Variants in CATSPERB observed in about 807,000 individuals in gnomAD.
The protein encoded by CATSPERB is catsper channel auxiliary subunit beta, also known as cation channel sperm-associated auxiliary subunit beta.
A neutral mutation model predicts 128.3 loss-of-function variants in CATSPERB; 93 were observed. That is an observed-to-expected ratio of 0.72 (90% CI 0.61 to 0.86). The LOEUF (loss-of-function observed/expected upper bound fraction) is 0.86. CATSPERB is among the 40% of genes least tolerant of loss of function. The pLI is 0.00. For missense variants in CATSPERB, 1,153 were observed against 1,329.5 expected (o/e 0.87, Z 2.06); for synonymous variants, 381 against 448.8 (o/e 0.85, Z 1.91).
intron 23 of CATSPERB, 38 bp downstream of exon 23, chr14:91,591,854 A>G: frequency 7.3e-7 from 1 of 1,360,650 alleles, no homozygotes; most frequent in Non-Finnish European, 1.1e-6. Context: ...TGTTAATAAG[A>G]AAGTATCCTG....
intron 7 of CATSPERB, among the ~76,000 whole-genome samples, chr14:91,695,130 T>A (rs945659601): frequency 1.3e-4 from 6 of 44,802 alleles, no homozygotes; most frequent in African/African-American, 4.5e-4. Context: ...ATGGTGGGAA[T>A]TTTTTTTTTT....
At chr14:91,720,312 A>G (rs1295162410) in intron 4 of CATSPERB, among the ~76,000 whole-genome samples, 1 of 151,736 alleles carries the variant, frequency 6.6e-6, no homozygotes, top group Non-Finnish European at 1.5e-5. Context: ...GAAATTTTAT[A>G]TTTGACAAAA....
chr14:91,592,216 A>G, intron 22 of CATSPERB: 1 of 545,234 alleles, frequency 1.8e-6, no homozygotes, highest in Non-Finnish European at 3.2e-6. Flanking sequence ...CCCAAGTATT[A>G]CTCAGCCGCT....
intron 5 of CATSPERB, among the ~76,000 whole-genome samples, chr14:91,714,391 GAATATATT>G (rs1004704158): frequency 1.1e-4 from 16 of 150,638 alleles, no homozygotes; most frequent in African/African-American, 3.9e-4. Context: ...AAATCCTAAA[GAATATATT>G]AAAAGCTATT....
At chr14:91,725,261 G>A in intron 2 of CATSPERB, 93 bp from the exon 3 acceptor site, 1 of 514,350 alleles carries the variant, frequency 1.9e-6, no homozygotes, top group South Asian at 5.1e-5. Flanking sequence ...ATATTTTTAA[G>A]GAATAAGAAT....
chr14:91,704,992 A>T (rs1327886473), intron 6 of CATSPERB, among the ~76,000 whole-genome samples: 2 of 152,214 alleles, frequency 1.3e-5, no homozygotes, highest in East Asian at 3.8e-4. Flanking sequence ...TTGCCACAGG[A>T]TCTATCCCTA....
At chr14:91,724,249 C>A (rs941066921) in intron 3 of CATSPERB, among the ~76,000 whole-genome samples, 1 of 152,050 alleles carries the variant, frequency 6.6e-6, no homozygotes, top group Non-Finnish European at 1.5e-5. Context: ...GTAACCTGCC[C>A]CAGGACACAC....
chr14:91,727,921 A>G (rs1248826501), intron 2 of CATSPERB, among the ~76,000 whole-genome samples: 1 of 152,188 alleles, frequency 6.6e-6, no homozygotes, highest in African/African-American at 2.4e-5. Flanking sequence ...ACAGTGGGCC[A>G]GACTGGAACC....
chr14:91,654,960 T>TCCTGGTAATACAGTCTCTTCCTGTAATA (rs71120184), intron 15 of CATSPERB, among the ~76,000 whole-genome samples: 101 of 151,050 alleles, frequency 6.7e-4, no homozygotes, highest in African/African-American at 2.0e-3. Context: ...AAAAGTCTCT[T>TCCTGGTAATACAGTCTCTTCCTGTAATA]CCTGGTAATA....
At chr14:91,602,968 A>G (rs2139769885) in intron 22 of CATSPERB, among the ~76,000 whole-genome samples, 1 of 151,708 alleles carries the variant, frequency 6.6e-6, no homozygotes, top group Non-Finnish European at 1.5e-5. Context: ...CTGATTTTTC[A>G]TCATCACCTC....
At chr14:91,674,696 C>CGA (rs1411597139) in intron 11 of CATSPERB, among the ~76,000 whole-genome samples, 238 of 152,268 alleles carry the variant, frequency 1.6e-3, no homozygotes, top group African/African-American at 3.7e-3. Flanking sequence ...TAATTATGTT[C>CGA]TTGCTTAGAA....
chr14:91,586,571 A>AAAGAGAGAGAGAGAGAG (rs1555358774), intron 26 of CATSPERB, among the ~76,000 whole-genome samples: 2 of 114,188 alleles, frequency 1.8e-5, no homozygotes, highest in African/African-American at 7.2e-5. Context: ...GAGAGAGAGA[A>AAAGAGAGAGAGAGAGAG]AGAGAGAGAG....
At chr14:91,605,074 CT>C in intron 22 of CATSPERB, 1 of 1,229,482 alleles carries the variant, frequency 8.1e-7, no homozygotes, top group Non-Finnish European at 1.2e-6. Context: ...TTCTGGCACT[CT>C]TCTCTGCAGA....
At chr14:91,667,369 A>G (rs1467578212) in intron 14 of CATSPERB, among the ~76,000 whole-genome samples, 1 of 152,254 alleles carries the variant, frequency 6.6e-6, no homozygotes, top group Non-Finnish European at 1.5e-5. Context: ...ACCAGCAGAA[A>G]GGAAAGAGAC....
At chr14:91,663,011 T>G (rs1743091) in intron 14 of CATSPERB, among the ~76,000 whole-genome samples, 140,818 of 152,152 alleles carry the variant, frequency 0.93, 65,268 homozygotes, top group African/African-American at 0.97. Context: ...CACTTCTTAG[T>G]ATATCCTTCA....
In CATSPERB at chr14:91,630,529, C is replaced by T. The variant is rs577517733; in HGVS notation, c.1743-5522G>A. Reference sequence around the variant, plus strand: ...TGCCTGATACCTGCACTTTTCGTCTCGGAAAATGGCGGTAGCGTCCTTCTA... The same window carrying T: ...TGCCTGATACCTGCACTTTTCGTCTTGGAAAATGGCGGTAGCGTCCTTCTA... On this transcript the variant is annotated intron_variant, in intron 17 of 26. Transcript: ENST00000256343. 5.9e-5 allele frequency among the ~76,000 whole-genome samples: 9 copies of T among 152,306 alleles called. No homozygotes were observed. The East Asian group carries it at 7.7e-4, about 13-fold the overall frequency.
At chr14:91,675,568 C>A (rs1344317278) in intron 11 of CATSPERB, among the ~76,000 whole-genome samples, 3 of 152,206 alleles carry the variant, frequency 2.0e-5, no homozygotes, top group Non-Finnish European at 4.4e-5. Flanking sequence ...TCTGTTTTGA[C>A]CTAGCTGCTC....
chr14:91,654,877 C>G (rs748444261), intron 15 of CATSPERB, among the ~76,000 whole-genome samples: 1 of 152,152 alleles, frequency 6.6e-6, no homozygotes, highest in African/African-American at 2.4e-5. Context: ...TGCATCACCC[C>G]TCCCCTAGCT....
intron 17 of CATSPERB, among the ~76,000 whole-genome samples, chr14:91,634,304 G>C (rs58715793): frequency 0.078 from 11,888 of 152,156 alleles, 577 homozygotes; most frequent in East Asian, 0.21. Flanking sequence ...TTCTTGATTA[G>C]GCTGAGGAGG....
Sources: gnomAD v4.1 joint callset for allele counts (sites outside exome capture counted in the v4.1 genomes callset) on GRCh38, gnomAD v4.1.1 for gene constraint, MANE v1.5 for transcripts, NCBI Gene and HGNC (gene_info 2026-07-23, HGNC 2026-07-21) for gene names.